DNAH5: variants seen among roughly 807,000 people sequenced by gnomAD.
The protein encoded by DNAH5 is dynein axonemal heavy chain 5, also known as axonemal beta dynein heavy chain 5.
A neutral mutation model predicts 518.2 loss-of-function variants in DNAH5; 372 were observed. That is an observed-to-expected ratio of 0.72 (90% CI 0.66 to 0.78). The LOEUF (loss-of-function observed/expected upper bound fraction) is 0.78, where lower values mean the gene tolerates loss of function less well. Ranked by LOEUF, DNAH5 falls within the 30% of genes least tolerant of loss-of-function variation. The pLI is 0.00. For synonymous variants in DNAH5, 2,039 were observed against 2,025.9 expected (o/e 1.01, Z -0.17); for missense variants, 5,523 against 5,687.0 (o/e 0.97, Z 0.93).
At chr5:13,849,838 T>C (rs1766574493) in intron 31 of DNAH5, among the ~76,000 whole-genome samples, 1 of 152,168 alleles carries the variant, frequency 6.6e-6, no homozygotes, top group Non-Finnish European at 1.5e-5. Flanking sequence ...AACTCCTCTC[T>C]TTATTTCATC....
At chr5:13,746,864 C>G (rs1309005516) in intron 65 of DNAH5, among the ~76,000 whole-genome samples, 1 of 151,824 alleles carries the variant, frequency 6.6e-6, no homozygotes, top group Non-Finnish European at 1.5e-5. Flanking sequence ...AAGTTTAAAA[C>G]TATGTACTAT....
chr5:13,776,788 CTT>C (rs1412502302), intron 54 of DNAH5, 82 bp from the exon 55 acceptor site: 5 of 1,490,744 alleles, frequency 3.4e-6, no homozygotes, highest in Non-Finnish European at 4.6e-6. Flanking sequence ...CACAGAATGT[CTT>C]TTCTCCATTT....
Position 13,762,870 on chromosome 5 carries a change from A to T in DNAH5, c.10133T>A (p.Val3378Glu), listed in dbSNP as rs764618944. Residue 3378 changes from valine to glutamate, a missense_variant, in exon 60 of 79, where the codon GTG (valine) becomes GAG (glutamate). Transcript: ENST00000265104. Reference sequence around the variant, plus strand: ...AAAGTAAGGACTCAAAAATTCTATCACCTCTTCATTGATTGTGTCTTTTGG... The same window carrying T: ...AAAGTAAGGACTCAAAAATTCTATCTCCTCTTCATTGATTGTGTCTTTTGG... ...QFPKDTINEE[V>E]IEFLSPYFEM... 1 of 1,613,764 alleles carries T rather than the reference A, an allele frequency of 6.2e-7. No individual in the cohort carries two copies. Among genetic ancestry groups the T allele is most frequent in the Admixed American group, 1.7e-5 (1 of 60,000 alleles).
intron 1 of DNAH5, among the ~76,000 whole-genome samples, chr5:13,973,392 A>C (rs1561026827): frequency 6.6e-6 from 1 of 152,230 alleles, no homozygotes; most frequent in Non-Finnish European, 1.5e-5. Flanking sequence ...TTACAGTAAG[A>C]ATATGAAATT....
In DNAH5 at chr5:13,923,356, A is replaced by G. The variant is rs752992572; in HGVS notation, c.362T>C (p.Val121Ala). 41 of 1,614,106 alleles carry G rather than the reference A, an allele frequency of 2.5e-5. No individual in the cohort carries two copies. The highest frequency in any genetic ancestry group is 3.3e-5 in the Non-Finnish European group (39 of 1,180,034). ...GAACACACATACCCCAGTAAGAGCC[A>G]CATCGTTTCCCTCGGTCACGAACAC... ...PKVFVTEGND[V>A]ALTGVCVFFI... Residue 121 changes from valine to alanine, a missense_variant, in exon 4 of 79, where the codon GTG becomes GCG. By Grantham distance (64) the Val-to-Ala change is moderately conservative. Coordinates refer to ENST00000265104, the MANE Select transcript of DNAH5 (RefSeq NM_001369.3).
intron 24 of DNAH5, among the ~76,000 whole-genome samples, chr5:13,869,103 A>C (rs1262574637): frequency 3.9e-5 from 6 of 152,112 alleles, no homozygotes; most frequent in African/African-American, 1.2e-4. Context: ...TTGATGTTTC[A>C]ACCCAAGGAG....
In DNAH5 at chr5:13,753,533, A is replaced by G; in HGVS notation, c.10572T>C (p.Ala3524=). 1 of 1,613,770 alleles carries G rather than the reference A, an allele frequency of 6.2e-7. No individual in the cohort carries two copies. ...TKRLVGDVLL[A]TAFLSYSGPF... is the part of the protein sequence containing the mutation. ...GACCAGAATAAGATAGAAAAGCTGT[A>G]GCCAACAGTACATCCCCTAAAATAG... The change falls in exon 63 of 79, where the codon GCT becomes GCC. Residue 3524 remains alanine (A), a synonymous_variant. Transcript: ENST00000265104.
At chr5:13,990,960 T>C (rs1276037011) in intron 1 of DNAH5, among the ~76,000 whole-genome samples, 1 of 152,124 alleles carries the variant, frequency 6.6e-6, no homozygotes, top group Non-Finnish European at 1.5e-5. Context: ...GCCAGAAACA[T>C]GCAAATAACA....
intron 22 of DNAH5, among the ~76,000 whole-genome samples, chr5:13,872,072 C>A (rs1770197875): frequency 6.6e-6 from 1 of 152,134 alleles, no homozygotes; most frequent in African/African-American, 2.4e-5. Flanking sequence ...GGCCTTAGAT[C>A]AAAAACCACA....
chr5:13,909,562 A>G (rs962232545), intron 12 of DNAH5, among the ~76,000 whole-genome samples: 1 of 152,048 alleles, frequency 6.6e-6, no homozygotes, highest in Non-Finnish European at 1.5e-5. Flanking sequence ...GGTTCACATG[A>G]TCAGATTCTA....
At chr5:13,950,290 A>AT (rs201661940) in intron 1 of DNAH5, among the ~76,000 whole-genome samples, 2,742 of 148,774 alleles carry the variant, frequency 0.018, 67 homozygotes, top group African/African-American at 0.061. Flanking sequence ...TGATACTTGT[A>AT]TTTTTTTTTT....
chr5:13,746,589 G>A (rs1377253525), intron 65 of DNAH5, among the ~76,000 whole-genome samples: 1 of 152,036 alleles, frequency 6.6e-6, no homozygotes, highest in Non-Finnish European at 1.5e-5. Flanking sequence ...ATATTTATGG[G>A]GTAGTGACTC....
At position 13,823,369 on chromosome 5, in the gene DNAH5, A is replaced by T; in HGVS notation, c.6581T>A (p.Ile2194Asn). 6.2e-7 allele frequency: 1 copy of T among 1,603,646 alleles called. No individual in the cohort carries two copies. The highest frequency in any genetic ancestry group is 8.5e-7 in the Non-Finnish European group (1 of 1,170,568). ...VLRDMNLSKL[I>N]DEDEPLFLSL... is the part of the protein sequence containing the mutation. Reference sequence around the variant, plus strand: ...CAAAAACAAGGGTTCATCCTCATCAATCTAAAAAAAGAAAATGGGAAATCA... The same window carrying T: ...CAAAAACAAGGGTTCATCCTCATCATTCTAAAAAAAGAAAATGGGAAATCA... The change falls in exon 40 of 79, where the codon ATT (isoleucine) becomes AAT (asparagine). Residue 2194 changes from isoleucine (I) to asparagine (N), a missense_variant and splice_region_variant. Ile to Asn is a moderately radical substitution (Grantham distance 149). This residue lies in a region of DNAH5 where 5,121 missense variants were observed against 5,223.3 expected (regional missense o/e 0.98). Transcript: ENST00000265104.
intron 1 of DNAH5, among the ~76,000 whole-genome samples, chr5:13,994,970 C>G (rs1783831435): frequency 6.6e-6 from 1 of 152,184 alleles, no homozygotes; most frequent in Admixed American, 6.5e-5. Context: ...GCCAGAAGAC[C>G]CGTTCCAGGA....
chr5:13,787,922 A>G (rs996278258), intron 51 of DNAH5, among the ~76,000 whole-genome samples: 4 of 152,218 alleles, frequency 2.6e-5, no homozygotes, highest in Non-Finnish European at 4.4e-5. Flanking sequence ...AGATATACTT[A>G]GCATGTTTTT....
chr5:13,964,789 C>G (rs1054028866), intron 1 of DNAH5, among the ~76,000 whole-genome samples: 1 of 152,214 alleles, frequency 6.6e-6, no homozygotes, highest in Non-Finnish European at 1.5e-5. Context: ...TATACAGTAT[C>G]TGAAGTAGGA....
intron 1 of DNAH5, among the ~76,000 whole-genome samples, chr5:13,976,213 G>A (rs1379349205): frequency 1.3e-5 from 2 of 152,090 alleles, no homozygotes; most frequent in African/African-American, 4.8e-5. Flanking sequence ...AAGCCATATG[G>A]GCTTTTTATT....
At chr5:13,749,337 T>C (rs1749882719) in intron 65 of DNAH5, among the ~76,000 whole-genome samples, 1 of 152,144 alleles carries the variant, frequency 6.6e-6, no homozygotes, top group Non-Finnish European at 1.5e-5. Context: ...AATGAGATAA[T>C]ATTAAAGGAG....
rs1472398375 is a variant in DNAH5 at position 13,839,338 on chromosome 5, G to A, written c.5882+18C>T. ...AGAGAATAAAAATGGTGGGGGTTGG[G>A]GAGAAGGGTTCCATCACCTGTCTGT... On this transcript the variant is annotated intron_variant, in intron 35 of 78. Coordinates refer to ENST00000265104, the MANE Select transcript of DNAH5 (RefSeq NM_001369.3). 2 of 1,612,960 alleles carry A rather than the reference G, an allele frequency of 1.2e-6. No homozygotes were observed. The highest frequency in any genetic ancestry group is 1.7e-5 in the Admixed American group (1 of 60,022).
Sources: gnomAD v4.1 joint callset for allele counts (sites outside exome capture counted in the v4.1 genomes callset) on GRCh38, gnomAD v4.1.1 for gene constraint, gnomAD v4.1.1 regional missense constraint, MANE v1.5 for transcripts, NCBI Gene and HGNC (gene_info 2026-07-23, HGNC 2026-07-21) for gene names.